The following DENND2C variants were observed in gnomAD, a reference collection of about 807,000 sequenced individuals.
The protein encoded by DENND2C is DENN domain containing 2C.
DENND2C carries 72 observed loss-of-function variants against 112.4 expected under a neutral mutation model. The ratio of observed to expected loss-of-function variants is 0.64; its 90% CI spans 0.53 to 0.78. The LOEUF is 0.78. Ranked by LOEUF, DENND2C falls within the 30% of genes least tolerant of loss-of-function variation. The pLI is 0.00. For synonymous variants in DENND2C, 329 were observed against 381.6 expected (o/e 0.86, Z 1.61); for missense variants, 992 against 1,113.8 (o/e 0.89, Z 1.56).
At chr1:114,587,506 G>GT (rs1446926745) in intron 19 of DENND2C, 33 bp from the exon 20 acceptor site, 2 of 1,608,372 alleles carry the variant, frequency 1.2e-6, no homozygotes, top group Admixed American at 1.7e-5. Flanking sequence ...GTGAAACTGT[G>GT]TAACACTCCA....
At chr1:114,650,249 G>A (rs1273418262) in intron 2 of DENND2C, among the ~76,000 whole-genome samples, 1 of 151,888 alleles carries the variant, frequency 6.6e-6, no homozygotes, top group East Asian at 1.9e-4. Context: ...CTTGAACCCA[G>A]GAGGCGGAGG....
chr1:114,656,585 A>T (rs1185125492), intron 1 of DENND2C, among the ~76,000 whole-genome samples: 1 of 149,858 alleles, frequency 6.7e-6, no homozygotes, highest in African/African-American at 2.5e-5. Flanking sequence ...TTTAGTAGAG[A>T]CGTAGTTTCA....
At chr1:114,643,968 C>T (rs758599914) in intron 3 of DENND2C, among the ~76,000 whole-genome samples, 1 of 152,182 alleles carries the variant, frequency 6.6e-6, no homozygotes, top group Non-Finnish European at 1.5e-5. Flanking sequence ...CAAATGACTA[C>T]AATTCCTTTT....
At chr1:114,639,883 G>A (rs1257958381) in intron 3 of DENND2C, among the ~76,000 whole-genome samples, 2 of 151,994 alleles carry the variant, frequency 1.3e-5, no homozygotes, top group African/African-American at 2.4e-5. Flanking sequence ...TCAATATTAA[G>A]CTGGAAAGAG....
At chr1:114,634,142 G>A (rs1016370009) in intron 3 of DENND2C, among the ~76,000 whole-genome samples, 38 of 152,250 alleles carry the variant, frequency 2.5e-4, no homozygotes, top group African/African-American at 8.7e-4. Flanking sequence ...GAAAATATCA[G>A]AACTAAAAAG....
intron 3 of DENND2C, among the ~76,000 whole-genome samples, chr1:114,630,177 C>T (rs1174542066): frequency 2.0e-5 from 3 of 151,884 alleles, no homozygotes; most frequent in Admixed American, 6.6e-5. Flanking sequence ...TGGTGGCATA[C>T]GCCTGTCATC....
chr1:114,662,315 A>G (rs1372436162), intron 1 of DENND2C, among the ~76,000 whole-genome samples: 2 of 152,180 alleles, frequency 1.3e-5, no homozygotes, highest in East Asian at 3.8e-4. Flanking sequence ...AAAAAAAGAC[A>G]GAGAAAAATG....
intron 8 of DENND2C, among the ~76,000 whole-genome samples, chr1:114,611,634 T>C (rs529568203): frequency 1.3e-5 from 2 of 152,302 alleles, no homozygotes; most frequent in Middle Eastern, 3.4e-3. Context: ...CTAGTCCATA[T>C]GGATCTTTAC....
chr1:114,626,542 G>A (rs915828522), intron 3 of DENND2C, among the ~76,000 whole-genome samples: 2 of 128,722 alleles, frequency 1.6e-5, no homozygotes, highest in African/African-American at 6.2e-5. Flanking sequence ...ACAGAGTCTC[G>A]CTCTGTCACT....
chr1:114,603,602 T>G (rs1655581158), intron 11 of DENND2C, among the ~76,000 whole-genome samples: 1 of 151,124 alleles, frequency 6.6e-6, no homozygotes, highest in African/African-American at 2.4e-5. Context: ...GCTGGAGTAC[T>G]GTGGCACAAT....
chr1:114,647,725 T>C (rs1041696115), intron 2 of DENND2C, among the ~76,000 whole-genome samples: 1 of 152,078 alleles, frequency 6.6e-6, no homozygotes, highest in African/African-American at 2.4e-5. Context: ...CTGACCTGTA[T>C]AGCATATATT....
rs1235928425 is a variant in DENND2C at position 114,623,521 on chromosome 1, T to C, written c.929A>G (p.Tyr310Cys). Residue 310 changes from tyrosine (Y) to cysteine (C), a missense_variant, in exon 5 of 21, where the codon TAT (tyrosine) becomes TGT (cysteine). Around this residue, in one of 3 missense-constraint regions of DENND2C, gnomAD observed 470 missense variants for 472.7 expected, o/e 0.99. Transcript: ENST00000393274. Reference sequence around the variant, plus strand: ...TCAACACCTACATATGATATCTTCATAGATATTGTCCTCAGACTGTGTGTA... The same window carrying C: ...TCAACACCTACATATGATATCTTCACAGATATTGTCCTCAGACTGTGTGTA... Reference protein sequence around the residue: ...LYYTQSEDNIYEDIIYPTKEN... With the variant: ...LYYTQSEDNICEDIIYPTKEN... 1.9e-6 allele frequency: 3 copies of C among 1,605,288 alleles called. No homozygotes were observed. Among genetic ancestry groups the C allele is most frequent in the Non-Finnish European group, 2.5e-6 (3 of 1,176,780 alleles).
At chr1:114,667,812 T>C (rs1267372617) in intron 1 of DENND2C, among the ~76,000 whole-genome samples, 1 of 152,204 alleles carries the variant, frequency 6.6e-6, no homozygotes, top group African/African-American at 2.4e-5. Context: ...CTACTTTTGC[T>C]ATCTAGGTTG....
chr1:114,630,955 G>A (rs1162249636), intron 3 of DENND2C, among the ~76,000 whole-genome samples: 1 of 152,176 alleles, frequency 6.6e-6, no homozygotes, highest in African/African-American at 2.4e-5. Context: ...ATTAACCCTA[G>A]AGTAAAGACT....
chr1:114,594,400 T>G (rs1162594132), intron 18 of DENND2C, 73 bp downstream of exon 18: 1 of 1,248,858 alleles, frequency 8.0e-7, no homozygotes, highest in Non-Finnish European at 1.2e-6. Context: ...TCCTTTAACA[T>G]AGTGCTGGGC....
intron 3 of DENND2C, among the ~76,000 whole-genome samples, chr1:114,631,641 G>C (rs2101672738): frequency 6.6e-6 from 1 of 152,164 alleles, no homozygotes; most frequent in East Asian, 1.9e-4. Context: ...AATTAACCGG[G>C]AGTGGTGGCG....
At chr1:114,657,757 G>C (rs1031354069) in intron 1 of DENND2C, among the ~76,000 whole-genome samples, 2 of 152,222 alleles carry the variant, frequency 1.3e-5, no homozygotes, top group Non-Finnish European at 2.9e-5. Context: ...TAGACGAATA[G>C]ACAATAGAGT....
At chr1:114,605,415 T>C (rs1048179491) in intron 10 of DENND2C, among the ~76,000 whole-genome samples, 1 of 152,194 alleles carries the variant, frequency 6.6e-6, no homozygotes, top group Admixed American at 6.6e-5. Context: ...AATCCATTCT[T>C]CAATGTACTG....
rs1654974691 is a variant in DENND2C at position 114,583,957 on chromosome 1, G to A, written c.*1643C>T. 1 of 152,080 alleles carries A rather than the reference G, an allele frequency of 6.6e-6. No individual in the cohort carries two copies. The highest frequency in any genetic ancestry group is 1.5e-5 in the Non-Finnish European group (1 of 68,044). The allele number at this position is 152,080 out of a possible 1,614,324, so 9.4% of individuals were successfully genotyped here. On this transcript the variant is annotated 3_prime_UTR_variant, in exon 21 of 21. Coordinates refer to ENST00000393274, the MANE Select transcript of DENND2C (RefSeq NM_001256404.2). The stretch of plus-strand genomic sequence containing the variant: ...AGGTCTGGATGACTAAGTGGTATAT[G>A]TTCAAGGAATGTTCATATTTTGAGT...
Sources: gnomAD v4.1 joint callset for allele counts (sites outside exome capture counted in the v4.1 genomes callset) on GRCh38, gnomAD v4.1.1 for gene constraint, gnomAD v4.1.1 regional missense constraint, MANE v1.5 for transcripts, NCBI Gene and HGNC (gene_info 2026-07-23, HGNC 2026-07-21) for gene names.